Variants in EYS observed in about 807,000 individuals in gnomAD.
The protein encoded by EYS is EGF-like photoreceptor maintenance factor.
In EYS, 250 loss-of-function variants were observed where a neutral mutation model predicts 282.1. The ratio of observed to expected loss-of-function variants is 0.89; its 90% CI spans 0.80 to 0.98. The LOEUF is 0.98. EYS is among the 50% of genes least tolerant of loss of function. EYS has a pLI of 0.00. For missense variants in EYS, 4,016 were observed against 3,709.0 expected (o/e 1.08, Z -2.15); for synonymous variants, 1,355 against 1,282.9 (o/e 1.06, Z -1.20).
At chr6:65,317,825 C>CCTTCCTTCCTTCCTTCCTTCCTTT (rs1562092985) in intron 11 of EYS, among the ~76,000 whole-genome samples, 14 of 81,150 alleles carry the variant, frequency 1.7e-4, no homozygotes, top group South Asian at 4.7e-4. Flanking sequence ...TTCCTTCCTT[C>CCTTCCTTCCTTCCTTCCTTCCTTT]CTTTCTTTCT....
intron 35 of EYS, among the ~76,000 whole-genome samples, chr6:63,910,964 C>G (rs596378): frequency 6.6e-6 from 1 of 152,172 alleles, no homozygotes; most frequent in African/African-American, 2.4e-5. Context: ...CTCAGAATGA[C>G]TTCTATTCAT....
chr6:64,597,583 T>C (rs1271022667), intron 24 of EYS, among the ~76,000 whole-genome samples: 2 of 152,114 alleles, frequency 1.3e-5, no homozygotes, highest in African/African-American at 4.8e-5. Context: ...GGAGGTCATT[T>C]TCCAACATGA....
At chr6:64,170,361 A>G (rs1446640853) in intron 31 of EYS, among the ~76,000 whole-genome samples, 2 of 152,168 alleles carry the variant, frequency 1.3e-5, no homozygotes, top group African/African-American at 4.8e-5. Context: ...ACAAATTACC[A>G]CAACGTGGGT....
At chr6:64,389,818 CG>C (rs1478314841) in intron 28 of EYS, among the ~76,000 whole-genome samples, 1 of 152,108 alleles carries the variant, frequency 6.6e-6, no homozygotes, top group East Asian at 1.9e-4. Context: ...CCAGCGTGAG[CG>C]ACGCAGAAGA....
chr6:64,264,767 G>A (rs561389304), intron 30 of EYS, among the ~76,000 whole-genome samples: 4 of 151,960 alleles, frequency 2.6e-5, no homozygotes, highest in African/African-American at 9.6e-5. Context: ...AAAATTTTCC[G>A]GGTGTGGGCT....
At chr6:64,121,240 T>C (rs1773580208) in intron 31 of EYS, among the ~76,000 whole-genome samples, 1 of 152,194 alleles carries the variant, frequency 6.6e-6, no homozygotes, top group Admixed American at 6.5e-5. Context: ...TAACTTAACC[T>C]AATCAAGGAA....
intron 32 of EYS, among the ~76,000 whole-genome samples, chr6:64,074,269 T>C (rs888452508): frequency 6.6e-6 from 1 of 151,514 alleles, no homozygotes; most frequent in Non-Finnish European, 1.5e-5. Context: ...CTAAATGTCA[T>C]AGTTTTTAGA....
At chr6:63,978,781 C>T (rs943957375) in intron 35 of EYS, among the ~76,000 whole-genome samples, 1 of 151,886 alleles carries the variant, frequency 6.6e-6, no homozygotes, top group African/African-American at 2.4e-5. Context: ...ATTTCAAATT[C>T]AATTTATGCC....
chr6:65,661,556 G>T (rs1768002113), intron 1 of EYS, among the ~76,000 whole-genome samples: 1 of 151,992 alleles, frequency 6.6e-6, no homozygotes, highest in Admixed American at 6.6e-5. Context: ...AATTTTGAAT[G>T]AATGAGATAT....
chr6:64,662,678 ATT>A (rs1287861643), intron 22 of EYS, among the ~76,000 whole-genome samples: 1 of 151,952 alleles, frequency 6.6e-6, no homozygotes, highest in Non-Finnish European at 1.5e-5. Context: ...TCGCTCATAG[ATT>A]TTTTTTGTTT....
intron 13 of EYS, among the ~76,000 whole-genome samples, chr6:65,031,102 C>T (rs1772588159): frequency 6.7e-6 from 1 of 150,030 alleles, no homozygotes; most frequent in Non-Finnish European, 1.5e-5. Flanking sequence ...CCATTCTAAA[C>T]ACACACACAT....
intron 2 of EYS, among the ~76,000 whole-genome samples, chr6:65,621,372 C>T (rs1232861877): frequency 6.6e-6 from 1 of 151,580 alleles, no homozygotes; most frequent in African/African-American, 2.4e-5. Context: ...ACTAGGATTG[C>T]AACCCCTGCC....
At chr6:64,443,092 C>A (rs1238096460) in intron 26 of EYS, among the ~76,000 whole-genome samples, 1 of 152,228 alleles carries the variant, frequency 6.6e-6, no homozygotes, top group East Asian at 1.9e-4. Context: ...CTGTACCCTG[C>A]AAAGCCACAG....
intron 31 of EYS, among the ~76,000 whole-genome samples, chr6:64,127,225 A>C (rs1773815691): frequency 6.6e-6 from 1 of 152,212 alleles, no homozygotes; most frequent in South Asian, 2.1e-4. Flanking sequence ...ATACAGATTC[A>C]ACATTAGTTA....
At chr6:64,289,665 G>C (rs558055310) in intron 30 of EYS, among the ~76,000 whole-genome samples, 2 of 152,070 alleles carry the variant, frequency 1.3e-5, no homozygotes, top group East Asian at 3.9e-4. Context: ...GAGCAGAGTG[G>C]AACTGTTTTG....
At chr6:64,789,842 A>C (rs1774133720) in intron 22 of EYS, among the ~76,000 whole-genome samples, 1 of 151,702 alleles carries the variant, frequency 6.6e-6, no homozygotes, top group Non-Finnish European at 1.5e-5. Context: ...GCCAGCATCC[A>C]ATGACTACTA....
At chr6:64,952,099 C>A (rs370715989) in intron 14 of EYS, among the ~76,000 whole-genome samples, 19 of 152,058 alleles carry the variant, frequency 1.2e-4, no homozygotes, top group African/African-American at 3.1e-4. Flanking sequence ...CAAAGGGACA[C>A]AAAGATCACA....
intron 15 of EYS, among the ~76,000 whole-genome samples, chr6:64,916,663 T>A (rs1768174345): frequency 1.3e-5 from 2 of 152,074 alleles, no homozygotes; most frequent in Admixed American, 6.6e-5. Context: ...ATTTTCAAAC[T>A]CACAGCTAGA....
intron 31 of EYS, among the ~76,000 whole-genome samples, chr6:64,176,387 C>T (rs1305202705): frequency 4.6e-5 from 7 of 151,918 alleles, no homozygotes; most frequent in Non-Finnish European, 1.0e-4. Flanking sequence ...TTCGAGTATT[C>T]CAACTAATTT....
Sources: allele counts gnomAD v4.1 joint callset (sites outside exome capture counted in the v4.1 genomes callset), GRCh38; gene constraint gnomAD v4.1.1; transcripts MANE v1.5; gene names NCBI Gene and HGNC (gene_info 2026-07-23, HGNC 2026-07-21).